HLCS: variants seen among roughly 807,000 people sequenced by gnomAD.
HLCS encodes the protein biotin--protein ligase.
A neutral mutation model predicts 75.0 loss-of-function variants in HLCS; 53 were observed. That is an observed-to-expected ratio of 0.71 (90% CI 0.57 to 0.89). HLCS has a LOEUF of 0.89. HLCS is among the 40% of genes least tolerant of loss of function. HLCS has a pLI of 0.00. For synonymous variants in HLCS, 431 were observed against 428.6 expected, an observed-to-expected ratio of 1.01 and a Z score of -0.07; for missense variants, 966 against 1,074.0, an observed-to-expected ratio of 0.90 and a Z score of 1.41.
intron 5 of HLCS, among the ~76,000 whole-genome samples, chr21:36,929,111 G>A (rs1022842556): frequency 2.0e-5 from 3 of 152,212 alleles, no homozygotes; most frequent in Non-Finnish European, 4.4e-5. Flanking sequence ...CCACTCACAA[G>A]AGAATAACCT....
In HLCS at chr21:36,753,321, C is replaced by T. The variant is rs962962362; in HGVS notation, c.*925G>A. 1 of 152,220 alleles carries T rather than the reference C, an allele frequency of 6.6e-6. No homozygotes were observed. The highest frequency in any genetic ancestry group is 2.4e-5 in the African/African-American group (1 of 41,432). The allele number at this position is 152,220 out of a possible 1,614,324, so 9.4% of individuals were successfully genotyped here. A position where few individuals can be genotyped will look rare whatever the true frequency, so the allele number is the denominator to read the frequency against. On this transcript the variant is annotated 3_prime_UTR_variant, in exon 11 of 11. Coordinates refer to ENST00000674895, the MANE Select transcript of HLCS (RefSeq NM_001352514.2). The surrounding 1 kb of genome is among the most constrained non-coding windows in gnomAD (Gnocchi z 4.3). ...TGTCTTCTATATTCCGTGAGCTGCA[C>T]AGTCTTGCAGGAATGCTCCACATTT...
chr21:36,910,693 C>T (rs543910472), intron 5 of HLCS, among the ~76,000 whole-genome samples: 4 of 152,226 alleles, frequency 2.6e-5, no homozygotes, highest in South Asian at 2.1e-4. Context: ...TGCAGGTTTG[C>T]GAAATGCCTG....
Position 36,765,172 on chromosome 21 carries a change from C to A in HLCS, c.1961G>T (p.Gly654Val). 6.2e-7 allele frequency: 1 copy of A among 1,614,218 alleles called. No homozygotes were observed. Among genetic ancestry groups the A allele is most frequent in the Non-Finnish European group, 8.5e-7 (1 of 1,180,030 alleles). ...VIAARQTEGK[G>V]RGGNVWLSPV... Reference sequence around the variant, plus strand: ...GCTCAGCCACACATTCCCTCCCCGTCCTGGAACACAGGCCACAGTGGGAAA... The same window carrying A: ...GCTCAGCCACACATTCCCTCCCCGTACTGGAACACAGGCCACAGTGGGAAA... The change falls in exon 8 of 11, where the codon GGA becomes GTA. Residue 654 changes from glycine (G) to valine (V), a missense_variant and splice_region_variant. Transcript: ENST00000674895.
intron 6 of HLCS, among the ~76,000 whole-genome samples, chr21:36,877,520 G>A (rs1248731762): frequency 6.6e-6 from 1 of 152,020 alleles, no homozygotes; most frequent in Non-Finnish European, 1.5e-5. Flanking sequence ...CAATCTTATA[G>A]GTCCATTTAC....
chr21:36,836,630 T>C (rs2062422238), intron 6 of HLCS, among the ~76,000 whole-genome samples: 2 of 151,410 alleles, frequency 1.3e-5, no homozygotes, highest in South Asian at 4.2e-4. Context: ...AAAGGGCTAA[T>C]ATCCAGAATC....
At chr21:36,874,012 A>G (rs2063863702) in intron 6 of HLCS, among the ~76,000 whole-genome samples, 1 of 152,200 alleles carries the variant, frequency 6.6e-6, no homozygotes, top group Non-Finnish European at 1.5e-5. Flanking sequence ...GTTTTCCTTT[A>G]AAACTTTACG....
intron 6 of HLCS, among the ~76,000 whole-genome samples, chr21:36,893,958 C>A (rs139600880): frequency 6.6e-6 from 1 of 152,156 alleles, no homozygotes; most frequent in African/African-American, 2.4e-5. Context: ...AAGTATAGCT[C>A]GTTAACATGG....
chr21:36,947,435 T>C, intron 2 of HLCS: 1 of 985,384 alleles, frequency 1.0e-6, no homozygotes, highest in East Asian at 1.1e-4. Context: ...AACCGCGCTG[T>C]CACTGATACG....
chr21:36,935,534 T>C (rs1313361991), intron 4 of HLCS, among the ~76,000 whole-genome samples: 1 of 152,092 alleles, frequency 6.6e-6, no homozygotes, highest in Non-Finnish European at 1.5e-5. Context: ...AATAAAAAGA[T>C]CCCTATAATA....
chr21:36,895,909 A>G (rs1263489379), intron 6 of HLCS, among the ~76,000 whole-genome samples: 1 of 152,222 alleles, frequency 6.6e-6, no homozygotes, highest in African/African-American at 2.4e-5. Context: ...TAGTATTAGT[A>G]CTATTGGGGA....
chr21:36,961,956 GAAA>G (rs58618927), intron 2 of HLCS, 77 bp downstream of exon 2: 575 of 672,854 alleles, frequency 8.5e-4, no homozygotes, highest in Non-Finnish European at 9.5e-4. Context: ...TCTGTCTCAG[GAAA>G]AAAAAAAAAA....
intron 6 of HLCS, among the ~76,000 whole-genome samples, chr21:36,885,190 C>T (rs1430869852): frequency 6.6e-6 from 1 of 152,142 alleles, no homozygotes; most frequent in African/African-American, 2.4e-5. Flanking sequence ...TCGAAATCTT[C>T]AAACAAAAAC....
intron 6 of HLCS, among the ~76,000 whole-genome samples, chr21:36,812,201 C>T (rs972052078): frequency 3.3e-5 from 5 of 152,054 alleles, no homozygotes; most frequent in South Asian, 2.1e-4. Context: ...TGAGGTTTTG[C>T]GGAATCAACT....
intron 6 of HLCS, among the ~76,000 whole-genome samples, chr21:36,843,015 A>C (rs569095724): frequency 6.6e-6 from 1 of 152,270 alleles, no homozygotes; most frequent in South Asian, 2.1e-4. Context: ...TATCTTCTAG[A>C]CTTTGGTGGC....
intron 1 of HLCS, among the ~76,000 whole-genome samples, chr21:36,990,000 C>T (rs1215279779): frequency 1.3e-5 from 2 of 152,100 alleles, no homozygotes; most frequent in African/African-American, 2.4e-5. Context: ...CAGCTGGAGG[C>T]GGCTTTCCGG....
At chr21:36,909,558 T>C (rs1281090131) in intron 5 of HLCS, among the ~76,000 whole-genome samples, 2 of 152,184 alleles carry the variant, frequency 1.3e-5, no homozygotes, top group African/African-American at 2.4e-5. Context: ...CAGAGTGCAA[T>C]TAAGATCAGA....
intron 6 of HLCS, among the ~76,000 whole-genome samples, chr21:36,768,888 C>G (rs1284432300): frequency 1.3e-5 from 2 of 152,176 alleles, no homozygotes; most frequent in African/African-American, 4.8e-5. Flanking sequence ...GTCTTTCAGG[C>G]ACCTCTGTTT....
Position 36,753,149 on chromosome 21 carries a change from C to A in HLCS, c.*1097G>T, listed in dbSNP as rs886057070. 1.3e-5 allele frequency: 2 copies of A among 152,754 alleles called. No homozygotes were observed. The highest frequency in any genetic ancestry group is 4.8e-5 in the African/African-American group (2 of 41,556). The allele number at this position is 152,754 out of a possible 1,614,324, so 9.5% of individuals were successfully genotyped here. ...GAATGTCTTCTTTTAAAGCTATGTGCGCACACACGCACGCACACACATATG... is the reference window on the plus strand; with the variant it reads ...GAATGTCTTCTTTTAAAGCTATGTGAGCACACACGCACGCACACACATATG... On this transcript the variant is annotated 3_prime_UTR_variant, in exon 11 of 11. Transcript: ENST00000674895. This position sits in a 1 kb window ranked among gnomAD's most constrained non-coding sequence, Gnocchi z 4.3.
intron 9 of HLCS, 50 bp from the exon 10 acceptor site, chr21:36,756,805 C>G: frequency 6.2e-7 from 1 of 1,612,546 alleles, no homozygotes; most frequent in Non-Finnish European, 8.5e-7. Flanking sequence ...TGGCATCACA[C>G]ATTCCTCTCT....
Sources: allele counts gnomAD v4.1 joint callset (sites outside exome capture counted in the v4.1 genomes callset), GRCh38; gene constraint gnomAD v4.1.1; non-coding constraint Gnocchi (gnomAD v3.1); transcripts MANE v1.5; gene names NCBI Gene and HGNC (gene_info 2026-07-23, HGNC 2026-07-21).